The following GSK3B variants were observed in gnomAD, a reference collection of about 807,000 sequenced individuals.
GSK3B encodes the protein glycogen synthase kinase-3 beta.
Under a neutral mutation model 56.4 loss-of-function variants are expected in GSK3B, and 15 were observed. That is an observed-to-expected ratio of 0.27 (90% CI 0.18 to 0.41). The LOEUF (loss-of-function observed/expected upper bound fraction) is 0.41. Among genes scored for constraint, GSK3B ranks in the 10% least tolerant of loss-of-function variants. The pLI is 1.00. For synonymous variants in GSK3B, 181 were observed against 188.9 expected (o/e 0.96, Z 0.34); for missense variants, 300 against 513.4 (o/e 0.58, Z 4.02).
intron 8 of GSK3B, among the ~76,000 whole-genome samples, chr3:119,865,601 C>T (rs1280473787): frequency 2.0e-5 from 3 of 150,194 alleles, no homozygotes; most frequent in Non-Finnish European, 4.4e-5. Context: ...TCCCGAGTAG[C>T]TGGGACTACA....
At chr3:119,935,642 T>C (rs1264295619) in intron 3 of GSK3B, among the ~76,000 whole-genome samples, 1 of 152,230 alleles carries the variant, frequency 6.6e-6, no homozygotes, top group Non-Finnish European at 1.5e-5. Flanking sequence ...ACATCAGTTC[T>C]ACACTGTTTA....
intron 2 of GSK3B, among the ~76,000 whole-genome samples, chr3:119,994,551 A>C (rs1041984414): frequency 4.6e-5 from 7 of 152,098 alleles, no homozygotes; most frequent in Admixed American, 4.6e-4. Context: ...CCTAGCAAAC[A>C]CTACCCTAAG....
chr3:119,912,219 A>G (rs530692581), intron 6 of GSK3B, among the ~76,000 whole-genome samples: 2 of 152,290 alleles, frequency 1.3e-5, no homozygotes, highest in South Asian at 4.2e-4. Flanking sequence ...GGGAATGGCC[A>G]GCTGGTGGAA....
At chr3:119,866,529 AT>A (rs747629673) in intron 8 of GSK3B, 21 of 977,688 alleles carry the variant, frequency 2.1e-5, no homozygotes, top group Non-Finnish European at 3.5e-5. Context: ...CTCAAAGAAG[AT>A]TTCCCCCAAG....
At chr3:120,024,535 T>C (rs185364186) in intron 1 of GSK3B, among the ~76,000 whole-genome samples, 1 of 152,356 alleles carries the variant, frequency 6.6e-6, no homozygotes, top group Non-Finnish European at 1.5e-5. Flanking sequence ...ATCTCTCTTC[T>C]CTGAAAACCT....
chr3:120,071,891 G>A (rs996092692), intron 1 of GSK3B, among the ~76,000 whole-genome samples: 1 of 152,092 alleles, frequency 6.6e-6, no homozygotes, highest in African/African-American at 2.4e-5. Context: ...CTTTTAAGTG[G>A]GGTCTAAAAA....
At chr3:119,888,578 C>G (rs982198535) in intron 7 of GSK3B, among the ~76,000 whole-genome samples, 3 of 152,030 alleles carry the variant, frequency 2.0e-5, no homozygotes, top group Non-Finnish European at 4.4e-5. Context: ...GACTGTAAAG[C>G]ACGTGTGTTT....
Position 119,923,432 on chromosome 3 carries a change from A to G in GSK3B, c.418T>C (p.Tyr140His). ...LVLDYVPETV[Y>H]RVARHYSRAK... ...CGACTATAGTGTCTGGCAACTCTGT[A>G]TACTGTTTCCGGAACATAGTCCAGC... Residue 140 changes from tyrosine (Y) to histidine (H), a missense_variant, in exon 4 of 11, where the codon TAC becomes CAC. Physicochemically the swap from Tyr to His is moderately conservative, Grantham distance 83 (BLOSUM62 2). Coordinates refer to ENST00000264235, the MANE Select transcript of GSK3B (RefSeq NM_001146156.2). The G allele has an allele frequency of 6.2e-7, 1 of 1,606,092 alleles. No homozygotes were observed. Among genetic ancestry groups the G allele is most frequent in the Non-Finnish European group, 8.5e-7 (1 of 1,173,862 alleles).
intron 7 of GSK3B, among the ~76,000 whole-genome samples, chr3:119,890,951 AAC>A (rs1161102318): frequency 6.6e-6 from 1 of 152,118 alleles, no homozygotes; most frequent in Non-Finnish European, 1.5e-5. Flanking sequence ...GCATTTAAAA[AAC>A]TTTTCAGCCT....
chr3:120,063,654 G>A (rs2058255880), intron 1 of GSK3B, among the ~76,000 whole-genome samples: 1 of 151,048 alleles, frequency 6.6e-6, no homozygotes, highest in South Asian at 2.1e-4. Flanking sequence ...CTTGAACCCA[G>A]GAGGCAGAGG....
At chr3:120,019,505 T>G (rs1377193446) in intron 1 of GSK3B, among the ~76,000 whole-genome samples, 1 of 152,244 alleles carries the variant, frequency 6.6e-6, no homozygotes, top group Non-Finnish European at 1.5e-5. Context: ...AACAATTTCT[T>G]TTTCAAACAC....
At chr3:120,006,991 T>C (rs1457789149) in intron 1 of GSK3B, among the ~76,000 whole-genome samples, 1 of 151,814 alleles carries the variant, frequency 6.6e-6, no homozygotes, top group Non-Finnish European at 1.5e-5. Flanking sequence ...GCTGATTTTT[T>C]GAAAGATCAA....
chr3:119,859,864 A>C (rs1387144166), intron 9 of GSK3B, among the ~76,000 whole-genome samples: 2 of 152,140 alleles, frequency 1.3e-5, no homozygotes, highest in Admixed American at 1.3e-4. Flanking sequence ...CCCCAGAGTT[A>C]CTAAATCACT....
intron 7 of GSK3B, 26 bp from the exon 8 acceptor site, chr3:119,876,534 T>C (rs1461671994): frequency 8.1e-7 from 1 of 1,228,648 alleles, no homozygotes; most frequent in African/African-American, 1.5e-5. Context: ...GTTATTGCCA[T>C]CTTTTCCTAT....
At position 119,924,270 on chromosome 3, in the gene GSK3B, T is replaced by C. The variant is rs1011684037; in HGVS notation, c.367-787A>G. On this transcript the variant is annotated intron_variant, in intron 3 of 10. Coordinates refer to ENST00000264235, the MANE Select transcript of GSK3B (RefSeq NM_001146156.2). ...CAGGGCACTGCCCTTACCTTGTTCA[T>C]GTGGCCAGTATCAGGTAAATTGAAG... Among the ~76,000 whole-genome samples, 9 of 152,366 alleles carry C rather than the reference T, an allele frequency of 5.9e-5. No individual in the cohort carries two copies. In the East Asian group the frequency reaches 1.7e-3, roughly 29 times the overall value.
chr3:119,915,558 T>C (rs1267044519), intron 5 of GSK3B, among the ~76,000 whole-genome samples: 1 of 152,120 alleles, frequency 6.6e-6, no homozygotes, highest in East Asian at 1.9e-4. Context: ...TACATATATA[T>C]ATATATAGTC....
chr3:120,064,589 T>C (rs2058264475), intron 1 of GSK3B, among the ~76,000 whole-genome samples: 1 of 152,162 alleles, frequency 6.6e-6, no homozygotes, highest in African/African-American at 2.4e-5. Flanking sequence ...AATATCCAAA[T>C]TGATCTACAA....
At chr3:119,889,918 T>C (rs1559824502) in intron 7 of GSK3B, among the ~76,000 whole-genome samples, 1 of 152,050 alleles carries the variant, frequency 6.6e-6, no homozygotes, top group African/African-American at 2.4e-5. Context: ...GACTTCAGGA[T>C]AAGAAAATTA....
intron 1 of GSK3B, among the ~76,000 whole-genome samples, chr3:120,046,897 C>A (rs2058108502): frequency 6.6e-6 from 1 of 152,136 alleles, no homozygotes; most frequent in Non-Finnish European, 1.5e-5. Flanking sequence ...GGGTGTGAGC[C>A]ACCGCTCCCA....
Sources: gnomAD v4.1 joint callset for allele counts (sites outside exome capture counted in the v4.1 genomes callset) on GRCh38, gnomAD v4.1.1 for gene constraint, MANE v1.5 for transcripts, NCBI Gene and HGNC (gene_info 2026-07-23, HGNC 2026-07-21) for gene names.